The following GRXCR1 variants were observed in gnomAD, a reference collection of about 807,000 sequenced individuals.
GRXCR1 encodes glutaredoxin domain-containing cysteine-rich protein 1.
In GRXCR1, 27 loss-of-function variants were observed where a neutral mutation model predicts 27.3. That is an observed-to-expected ratio of 0.99 (90% CI 0.73 to 1.37). The LOEUF (loss-of-function observed/expected upper bound fraction) is 1.37, where lower values mean the gene tolerates loss of function less well. GRXCR1 is among the 40% of genes most tolerant of loss of function. The probability of loss-of-function intolerance (pLI) is 0.00; values close to 1 mark genes in which losing one functional copy is unlikely to be tolerated. For synonymous variants in GRXCR1, 122 were observed against 131.1 expected, an observed-to-expected ratio of 0.93 and a Z score of 0.47; for missense variants, 379 against 354.4, an observed-to-expected ratio of 1.07 and a Z score of -0.56.
chr4:42,987,277 T>TATATAGAG (rs1553943958), intron 2 of GRXCR1, among the ~76,000 whole-genome samples: 1 of 104,272 alleles, frequency 9.6e-6, no homozygotes, highest in African/African-American at 3.6e-5. Context: ...TATATATATA[T>TATATAGAG]AGAGAGAGAG....
chr4:42,974,876 A>G (rs1309074056), intron 2 of GRXCR1, among the ~76,000 whole-genome samples: 1 of 152,158 alleles, frequency 6.6e-6, no homozygotes, highest in East Asian at 1.9e-4. Context: ...CTATTGTCAG[A>G]ATTGTGAGTT....
chr4:42,959,840 GC>G (rs1475046657), intron 1 of GRXCR1, among the ~76,000 whole-genome samples: 1 of 151,784 alleles, frequency 6.6e-6, no homozygotes, highest in Non-Finnish European at 1.5e-5. Context: ...CAATTCAGAG[GC>G]CCCAGCCTGG....
At position 42,901,393 on chromosome 4, in the gene GRXCR1, G is replaced by A. The variant is rs576693380; in HGVS notation, c.384+7743G>A. 4.6e-5 allele frequency among the ~76,000 whole-genome samples: 7 copies of A among 152,228 alleles called. No homozygotes were observed. The South Asian group carries it at 1.2e-3, about 27-fold the overall frequency. ...CTGCTTCCTCTCTGGAGGCTTTACGGCAGAATTCATTTCTTGCATTTCTCA... is the reference window on the plus strand; with the variant it reads ...CTGCTTCCTCTCTGGAGGCTTTACGACAGAATTCATTTCTTGCATTTCTCA... On this transcript the variant is annotated intron_variant, in intron 1 of 3. Transcript: ENST00000399770.
chr4:42,987,231 A>ATATATATATATATAT, intron 2 of GRXCR1, among the ~76,000 whole-genome samples: 1 of 86,524 alleles, frequency 1.2e-5, no homozygotes, highest in East Asian at 3.3e-4. Context: ...ATTATATATT[A>ATATATATATATATAT]TATATATATA....
chr4:42,978,086 G>A (rs971557348), intron 2 of GRXCR1, among the ~76,000 whole-genome samples: 16 of 151,980 alleles, frequency 1.1e-4, no homozygotes, highest in Admixed American at 9.9e-4. Context: ...TTCTTGGCAC[G>A]TTTGTTGAAA....
chr4:42,904,424 T>G (rs1215822201), intron 1 of GRXCR1, among the ~76,000 whole-genome samples: 1 of 152,154 alleles, frequency 6.6e-6, no homozygotes. Context: ...AAAAATACCT[T>G]ATTCCCCAGT....
intron 1 of GRXCR1, among the ~76,000 whole-genome samples, chr4:42,931,548 T>A (rs1747305674): frequency 6.6e-6 from 1 of 151,592 alleles, no homozygotes. Context: ...TACTTTTGTG[T>A]CTGTGATAGC....
At chr4:42,956,228 A>G (rs181849383) in intron 1 of GRXCR1, among the ~76,000 whole-genome samples, 5 of 152,194 alleles carry the variant, frequency 3.3e-5, no homozygotes, top group South Asian at 4.1e-4. Flanking sequence ...AAAATGGCCT[A>G]TCTTTATTAC....
Position 42,893,547 on chromosome 4 carries a change from C to A in GRXCR1, c.281C>A (p.Thr94Lys). The change falls in exon 1 of 4, where the codon ACA (threonine) becomes AAA (lysine). Residue 94 changes from threonine to lysine, a missense_variant. Physicochemically the swap from Thr to Lys is moderately conservative, Grantham distance 78. Coordinates refer to ENST00000399770, the MANE Select transcript of GRXCR1 (RefSeq NM_001080476.3). Reference protein sequence around the residue: ...ARAASEKGFGTRRVNILSKNG... With the variant: ...ARAASEKGFGKRRVNILSKNG... ...GCTGCCAGTGAGAAGGGTTTTGGTA[C>A]AAGAAGAGTCAACATTTTAAGCAAA... is the stretch of plus-strand genomic sequence containing the variant. The A allele has an allele frequency of 6.2e-7, 1 of 1,613,776 alleles. No individual in the cohort carries two copies. The highest frequency in any genetic ancestry group is 8.5e-7 in the Non-Finnish European group (1 of 1,179,824).
intron 1 of GRXCR1, among the ~76,000 whole-genome samples, chr4:42,934,141 G>T (rs1335915611): frequency 6.6e-6 from 1 of 151,672 alleles, no homozygotes; most frequent in Non-Finnish European, 1.5e-5. Context: ...TTCTCTATGA[G>T]ATCTCATAGA....
chr4:43,011,282 G>C (rs1169910195), intron 2 of GRXCR1, among the ~76,000 whole-genome samples: 1 of 152,196 alleles, frequency 6.6e-6, no homozygotes, highest in Admixed American at 6.5e-5. Flanking sequence ...TCATGAAGGA[G>C]AACTTTATAG....
chr4:42,994,949 T>C (rs906732954), intron 2 of GRXCR1, among the ~76,000 whole-genome samples: 1 of 152,204 alleles, frequency 6.6e-6, no homozygotes, highest in Non-Finnish European at 1.5e-5. Context: ...AATACAATCA[T>C]GTTCAATTTT....
rs3072802 is a variant in GRXCR1, at chr4:42,932,577, CATATATATATATATATAT to C, written c.385-30289_385-30272del. ...TGAGTGTTTCTCTTAAACTCCCTTCCATATATATATATATATATATATATATATATATATATATATATA... is the reference window on the plus strand; with the variant it reads ...TGAGTGTTTCTCTTAAACTCCCTTCCATATATATATATATATATATATATA... On this transcript the variant is annotated intron_variant, in intron 1 of 3. Transcript: ENST00000399770. Among the ~76,000 whole-genome samples, 112 of 28,670 alleles carry C rather than the reference CATATATATATATATATAT, an allele frequency of 3.9e-3. 1 individual carries two copies. Among genetic ancestry groups the C allele is most frequent in the South Asian group, 7.8e-3 (5 of 638 alleles). 18.8% of individuals were successfully genotyped at this position (28,670 alleles called of 152,430 possible).
intron 2 of GRXCR1, among the ~76,000 whole-genome samples, chr4:43,012,882 C>T (rs192333109): frequency 1.7e-4 from 26 of 152,096 alleles, no homozygotes; most frequent in South Asian, 6.2e-4. Context: ...TAAAAATGTG[C>T]GAAAGACATG....
At chr4:42,980,980 C>T (rs1319425894) in intron 2 of GRXCR1, among the ~76,000 whole-genome samples, 2 of 149,178 alleles carry the variant, frequency 1.3e-5, no homozygotes, top group African/African-American at 4.9e-5. Flanking sequence ...TGTATCCATT[C>T]AGCTACTGTA....
intron 2 of GRXCR1, among the ~76,000 whole-genome samples, chr4:43,017,947 T>A (rs184817537): frequency 6.6e-6 from 1 of 152,326 alleles, no homozygotes; most frequent in African/African-American, 2.4e-5. Flanking sequence ...GATTGAGATT[T>A]ACCCCGATAA....
At chr4:43,005,470 T>G (rs1577941594) in intron 2 of GRXCR1, among the ~76,000 whole-genome samples, 1 of 152,362 alleles carries the variant, frequency 6.6e-6, no homozygotes, top group Admixed American at 6.5e-5. Flanking sequence ...TGTGGACTCC[T>G]GTAAATTGAT....
At chr4:42,901,508 C>T (rs890539130) in intron 1 of GRXCR1, among the ~76,000 whole-genome samples, 2 of 152,142 alleles carry the variant, frequency 1.3e-5, no homozygotes, top group Admixed American at 1.3e-4. Context: ...AACTCTATTG[C>T]CCTCCTTTTT....
chr4:43,005,453 C>CT (rs1013239140), intron 2 of GRXCR1, among the ~76,000 whole-genome samples: 1 of 152,128 alleles, frequency 6.6e-6, no homozygotes, highest in African/African-American at 2.4e-5. Context: ...TCTATGCTCA[C>CT]TTTTTTTGTG....
Sources: allele counts gnomAD v4.1 joint callset (sites outside exome capture counted in the v4.1 genomes callset), GRCh38; gene constraint gnomAD v4.1.1; transcripts MANE v1.5; gene names NCBI Gene and HGNC (gene_info 2026-07-23, HGNC 2026-07-21).